Variants in RBM47 observed in about 807,000 individuals in gnomAD.
RBM47 encodes the protein RNA-binding protein 47.
Under a neutral mutation model 47.1 loss-of-function variants are expected in RBM47, and 21 were observed. The ratio of observed to expected loss-of-function variants is 0.45; its 90% CI spans 0.32 to 0.64. The LOEUF is 0.64. RBM47 is among the 30% of genes least tolerant of loss of function. RBM47 has a pLI of 0.05. For synonymous variants in RBM47, 375 were observed against 361.7 expected, an observed-to-expected ratio of 1.04 and a Z score of -0.42; for missense variants, 708 against 870.9, an observed-to-expected ratio of 0.81 and a Z score of 2.35.
At chr4:40,498,961 C>T (rs748480695) in intron 2 of RBM47, among the ~76,000 whole-genome samples, 2 of 151,538 alleles carry the variant, frequency 1.3e-5, no homozygotes, top group Non-Finnish European at 2.9e-5. Context: ...AGGAGAATGG[C>T]TTGAACCTGG....
At chr4:40,601,477 A>G (rs1578049340) in intron 1 of RBM47, among the ~76,000 whole-genome samples, 1 of 152,184 alleles carries the variant, frequency 6.6e-6, no homozygotes, top group East Asian at 1.9e-4. Flanking sequence ...TGTGCAGAAA[A>G]CTACCTGAAC....
chr4:40,554,797 A>C (rs1156292477), intron 1 of RBM47, among the ~76,000 whole-genome samples: 1 of 139,758 alleles, frequency 7.2e-6, no homozygotes, highest in East Asian at 2.3e-4. Flanking sequence ...TTTTTTAACG[A>C]ATCTCCCAGG....
chr4:40,537,053 GTAAC>G (rs967220964), intron 2 of RBM47, among the ~76,000 whole-genome samples: 1 of 152,086 alleles, frequency 6.6e-6, no homozygotes, highest in African/African-American at 2.4e-5. Context: ...CACAGACAAA[GTAAC>G]TAACCACTAG....
At chr4:40,505,455 G>A (rs894450406) in intron 2 of RBM47, among the ~76,000 whole-genome samples, 7 of 138,018 alleles carry the variant, frequency 5.1e-5, no homozygotes, top group Admixed American at 3.1e-4. Context: ...CAGCCTGGGT[G>A]ACACAGTAAG....
At chr4:40,458,318 T>A (rs546212997) in intron 3 of RBM47, among the ~76,000 whole-genome samples, 170 of 152,338 alleles carry the variant, frequency 1.1e-3, no homozygotes, top group Admixed American at 1.8e-3. Context: ...CTGCTTTTAT[T>A]TGGTGAACAT....
At chr4:40,516,289 CTCGCTCTG>C (rs1170942916) in intron 2 of RBM47, among the ~76,000 whole-genome samples, 5 of 112,176 alleles carry the variant, frequency 4.5e-5, no homozygotes, top group African/African-American at 1.7e-4. Flanking sequence ...GAGACGGATT[CTCGCTCTG>C]TCACCCAGGC....
At position 40,432,605 on chromosome 4, in the gene RBM47, G is replaced by A. The variant is rs1158770843; in HGVS notation, c.1542+46C>T. On this transcript the variant is annotated intron_variant, in intron 6 of 6. Coordinates refer to ENST00000295971, the MANE Select transcript of RBM47 (RefSeq NM_001098634.2). ...GAATACTAAATGAATCCATGTTAAA[G>A]AGAGGCTTCACACACAAATGACAAT... 4 of 1,607,432 alleles carry A rather than the reference G, an allele frequency of 2.5e-6. No homozygotes were observed. In the African/African-American group the frequency reaches 4.0e-5, roughly 16 times the overall value.
Position 40,480,512 on chromosome 4 carries a change from C to G in RBM47, c.-154-13813G>C, listed in dbSNP as rs542953381. The stretch of plus-strand genomic sequence containing the variant: ...TCTGTCAGCCTGCCAGGGACAGGAA[C>G]TTCTGTACTAACCCAGAAAAACTTT... On this transcript the variant is annotated intron_variant, in intron 2 of 6. Coordinates refer to ENST00000295971, the MANE Select transcript of RBM47 (RefSeq NM_001098634.2). 7.9e-5 allele frequency among the ~76,000 whole-genome samples: 12 copies of G among 152,278 alleles called. No individual in the cohort carries two copies. In the South Asian group the frequency reaches 2.5e-3, roughly 32 times the overall value.
intron 2 of RBM47, among the ~76,000 whole-genome samples, chr4:40,469,059 CATTCCT>C (rs748524962): frequency 1.3e-5 from 2 of 152,226 alleles, no homozygotes; most frequent in Non-Finnish European, 2.9e-5. Flanking sequence ...AAGCAGAAAT[CATTCCT>C]GGCAGGACTG....
intron 2 of RBM47, among the ~76,000 whole-genome samples, chr4:40,527,742 T>TTGTGTGTG (rs140846090): frequency 2.2e-5 from 3 of 134,594 alleles, no homozygotes; most frequent in Admixed American, 8.0e-5. Context: ...CTAGTTTTCA[T>TTGTGTGTG]TGTGTGTGTG....
Position 40,537,762 on chromosome 4 carries a change from G to A in RBM47, c.-155+6660C>T, listed in dbSNP as rs527337208. ...TTTTACAGGAAGGCTTTGTGATGAA[G>A]TCACTGGTTGTCTGTATTCACCATG... On this transcript the variant is annotated intron_variant, in intron 2 of 6. Coordinates refer to ENST00000295971, the MANE Select transcript of RBM47 (RefSeq NM_001098634.2). Among the ~76,000 whole-genome samples, 10 of 152,206 alleles carry A rather than the reference G, an allele frequency of 6.6e-5. No homozygotes were observed. In the South Asian group the frequency reaches 2.1e-3, roughly 32 times the overall value.
chr4:40,546,372 A>T lies in RBM47; in HGVS notation c.-239-1866T>A, dbSNP rs565325646. On this transcript the variant is annotated intron_variant, in intron 1 of 6. Transcript: ENST00000295971. ...ACCATGTTGGTCAGGCTGGTCTTGA[A>T]CTCCTGACCTCATGTGATCCACCCG... Among the ~76,000 whole-genome samples, 26 of 151,410 alleles carry T rather than the reference A, an allele frequency of 1.7e-4. No homozygotes were observed. The South Asian group carries it at 5.5e-3, about 32-fold the overall frequency.
At position 40,424,761 on chromosome 4, in the gene RBM47, GAA is replaced by G. The variant is rs1447912694; in HGVS notation, c.*1141_*1142del. The G allele has an allele frequency of 1.3e-5, 2 of 152,128 alleles. No individual in the cohort carries two copies. The highest frequency in any genetic ancestry group is 1.3e-4 in the Admixed American group (2 of 15,282). The allele number at this position is 152,128 out of a possible 1,614,324, so 9.4% of individuals were successfully genotyped here. ...GCAACTAGAAGCATAACTTTCTGCT[GAA>G]AAGAGTCTCTGGGGGTCTTGTCTAC... On this transcript the variant is annotated 3_prime_UTR_variant, in exon 7 of 7. Transcript: ENST00000295971.
chr4:40,554,405 C>CAAAAAAAAAAA (rs59793972), intron 1 of RBM47, among the ~76,000 whole-genome samples: 1 of 91,042 alleles, frequency 1.1e-5, no homozygotes, highest in Non-Finnish European at 2.5e-5. Flanking sequence ...AAGCAAACCT[C>CAAAAAAAAAAA]AAAAAAAAAA....
intron 2 of RBM47, among the ~76,000 whole-genome samples, chr4:40,478,999 G>C (rs931273673): frequency 1.3e-5 from 2 of 152,184 alleles, no homozygotes; most frequent in Admixed American, 6.5e-5. Flanking sequence ...ACATTCAGAT[G>C]GTAGCCTTCA....
chr4:40,510,533 A>G (rs1724788058), intron 2 of RBM47, among the ~76,000 whole-genome samples: 1 of 152,192 alleles, frequency 6.6e-6, no homozygotes, highest in Non-Finnish European at 1.5e-5. Context: ...GTGTATTTTC[A>G]GAGCAAAATT....
At chr4:40,457,195 G>T (rs1007464444) in intron 3 of RBM47, among the ~76,000 whole-genome samples, 1 of 151,652 alleles carries the variant, frequency 6.6e-6, no homozygotes, top group Admixed American at 6.6e-5. Context: ...CAAGTGGAGC[G>T]GATCACCTGA....
At chr4:40,548,652 T>G (rs763403403) in intron 1 of RBM47, among the ~76,000 whole-genome samples, 2 of 151,984 alleles carry the variant, frequency 1.3e-5, no homozygotes, top group Non-Finnish European at 2.9e-5. Context: ...CCCTGGCTTT[T>G]AAATCTGAGT....
Position 40,440,551 on chromosome 4 carries a change from T to A in RBM47, c.-31-1627A>T, listed in dbSNP as rs182721846. Among the ~76,000 whole-genome samples, 86 of 152,284 alleles carry A rather than the reference T, an allele frequency of 5.6e-4. 1 individual carries two copies. The highest frequency in any genetic ancestry group is 1.9e-3 in the African/African-American group (79 of 41,572). ...ATTGAAGGAAAAAATAAAACTATAA[T>A]GAAACAAAATAAATCTGAGCTATTT... On this transcript the variant is annotated intron_variant, in intron 3 of 6. Transcript: ENST00000295971.
Sources: allele counts gnomAD v4.1 joint callset (sites outside exome capture counted in the v4.1 genomes callset), GRCh38; gene constraint gnomAD v4.1.1; transcripts MANE v1.5; gene names NCBI Gene and HGNC (gene_info 2026-07-23, HGNC 2026-07-21).